The following NCALD variants were observed in gnomAD, a reference collection of about 807,000 sequenced individuals.
NCALD encodes neurocalcin delta.
In NCALD, 10 loss-of-function variants were observed where a neutral mutation model predicts 18.6. The ratio of observed to expected loss-of-function variants is 0.54; its 90% CI spans 0.33 to 0.91. The LOEUF (loss-of-function observed/expected upper bound fraction) is 0.91, where lower values mean the gene tolerates loss of function less well. Among genes scored for constraint, NCALD ranks in the 40% least tolerant of loss-of-function variants. NCALD has a pLI of 0.03. For synonymous variants in NCALD, 88 were observed against 87.4 expected, an observed-to-expected ratio of 1.01 and a Z score of -0.04; for missense variants, 184 against 247.6, an observed-to-expected ratio of 0.74 and a Z score of 1.72.
intron 1 of NCALD, among the ~76,000 whole-genome samples, chr8:101,754,764 C>A (rs1434874451): frequency 6.6e-6 from 1 of 152,122 alleles, no homozygotes; most frequent in Non-Finnish European, 1.5e-5. Flanking sequence ...GACAGAGGTA[C>A]AACCTGAACC....
rs377615177 is a variant in NCALD, at chr8:101,932,018, C to T, written c.-156-16160G>A. Among the ~76,000 whole-genome samples the T allele has an allele frequency of 6.6e-5, 10 of 152,288 alleles. No homozygotes were observed. The East Asian group carries it at 1.5e-3, about 24-fold the overall frequency. On this transcript the variant is annotated intron_variant, in intron 2 of 6. Coordinates refer to the NCALD transcript ENST00000311028. Reference sequence around the variant, plus strand: ...CAGCCCATCATTGCCACACTACCTACCATTAGAGAAGGGATTCTTCTGTAG... The same window carrying T: ...CAGCCCATCATTGCCACACTACCTATCATTAGAGAAGGGATTCTTCTGTAG...
intron 4 of NCALD, among the ~76,000 whole-genome samples, chr8:101,838,337 T>G (rs1271111477): frequency 6.6e-6 from 1 of 152,154 alleles, no homozygotes; most frequent in African/African-American, 2.4e-5. Flanking sequence ...TTCTCCTGCC[T>G]CAGCCTCCCG....
chr8:101,763,952 TTCTC>T lies in NCALD; in HGVS notation c.-20+26906_-20+26909del, dbSNP rs149384386. On this transcript the variant is annotated intron_variant, in intron 1 of 3. Coordinates refer to ENST00000220931, the MANE Select transcript of NCALD (RefSeq NM_032041.3). ...GATGAGCCAATTCTTTATGACAAATTTCTCTCTCTCTCTCCACACACACACACAC... is the reference window on the plus strand; with the variant it reads ...GATGAGCCAATTCTTTATGACAAATTTCTCTCTCTCCACACACACACACAC... Among the ~76,000 whole-genome samples, 65 of 122,146 alleles carry T rather than the reference TTCTC, an allele frequency of 5.3e-4. 1 individual carries two copies. The highest frequency in any genetic ancestry group is 8.1e-4 in the Non-Finnish European group (50 of 61,364). The allele number at this position is 122,146 out of a possible 152,430, so 80.1% of individuals were successfully genotyped here. A position where few individuals can be genotyped will look rare whatever the true frequency, so the allele number is the denominator to read the frequency against.
At chr8:101,721,398 A>G (rs1194124346) in intron 1 of NCALD, 1 of 152,456 alleles carries the variant, frequency 6.6e-6, no homozygotes, top group African/African-American at 2.4e-5. Flanking sequence ...GAATGAAGGC[A>G]TGACTGAGAA....
intron 4 of NCALD, among the ~76,000 whole-genome samples, chr8:101,802,570 C>T (rs966532666): frequency 2.0e-5 from 3 of 150,528 alleles, no homozygotes; most frequent in East Asian, 1.9e-4. Flanking sequence ...AGTGAACACA[C>T]GAATGATTAA....
chr8:101,890,272 T>G (rs972137458), intron 3 of NCALD, among the ~76,000 whole-genome samples: 3 of 152,146 alleles, frequency 2.0e-5, no homozygotes, highest in African/African-American at 7.2e-5. Flanking sequence ...ATGAGCAACC[T>G]CATCTTTAAT....
intron 2 of NCALD, among the ~76,000 whole-genome samples, chr8:101,993,738 G>A (rs112264600): frequency 0.018 from 2,724 of 152,236 alleles, 93 homozygotes; most frequent in African/African-American, 0.061. Context: ...CAAGCTAAAA[G>A]GACATAGACT....
chr8:101,860,670 T>A (rs1815503383), intron 4 of NCALD, among the ~76,000 whole-genome samples: 3 of 152,176 alleles, frequency 2.0e-5, no homozygotes, highest in Admixed American at 1.3e-4. Flanking sequence ...AAAATTGTTT[T>A]AACCCATAAT....
At chr8:101,859,335 G>A (rs6998300) in intron 4 of NCALD, among the ~76,000 whole-genome samples, 6,423 of 152,222 alleles carry the variant, frequency 0.042, 303 homozygotes, top group African/African-American at 0.12. Context: ...TACTTTTAAG[G>A]TTTTGGGATT....
chr8:101,824,342 C>T (rs1813844284), intron 4 of NCALD, among the ~76,000 whole-genome samples: 1 of 152,152 alleles, frequency 6.6e-6, no homozygotes, highest in South Asian at 2.1e-4. Context: ...TTGCTATTTT[C>T]TCAGGCTGAC....
intron 2 of NCALD, among the ~76,000 whole-genome samples, chr8:101,930,290 C>T (rs1179503204): frequency 6.6e-6 from 1 of 151,800 alleles, no homozygotes; most frequent in Non-Finnish European, 1.5e-5. Flanking sequence ...AAAATGTATC[C>T]CCAATTCAGC....
At chr8:101,845,459 A>G (rs1814828793) in intron 4 of NCALD, among the ~76,000 whole-genome samples, 1 of 151,972 alleles carries the variant, frequency 6.6e-6, no homozygotes, top group Non-Finnish European at 1.5e-5. Context: ...GATGACTACA[A>G]CCCTCTCCAC....
intron 2 of NCALD, among the ~76,000 whole-genome samples, chr8:101,697,819 C>A (rs1016794244): frequency 8.5e-5 from 13 of 152,094 alleles, no homozygotes; most frequent in African/African-American, 2.9e-4. Context: ...TTATGACAAA[C>A]CCACAGCCAA....
intron 1 of NCALD, among the ~76,000 whole-genome samples, chr8:102,084,906 G>A (rs903797784): frequency 7.9e-5 from 12 of 152,152 alleles, no homozygotes; most frequent in Non-Finnish European, 1.3e-4. Context: ...TGACTTTCCC[G>A]GTTGGGTTGG....
intron 4 of NCALD, among the ~76,000 whole-genome samples, chr8:101,836,485 C>G (rs1814418921): frequency 2.0e-5 from 3 of 152,086 alleles, no homozygotes; most frequent in Admixed American, 2.0e-4. Flanking sequence ...TTGGGGAATC[C>G]CTGGGGACTC....
At chr8:101,938,665 A>C (rs1170372103) in intron 2 of NCALD, among the ~76,000 whole-genome samples, 1 of 152,186 alleles carries the variant, frequency 6.6e-6, no homozygotes, top group African/African-American at 2.4e-5. Flanking sequence ...TAAAAAAAAA[A>C]ACTTGTAAGT....
chr8:101,995,468 C>T (rs2132001164), intron 2 of NCALD, among the ~76,000 whole-genome samples: 1 of 152,246 alleles, frequency 6.6e-6, no homozygotes, highest in East Asian at 1.9e-4. Context: ...GTGGCATATG[C>T]TTCTGGGGAG....
chr8:101,830,548 CA>C (rs71268534), intron 4 of NCALD, among the ~76,000 whole-genome samples: 29 of 141,224 alleles, frequency 2.1e-4, no homozygotes, highest in Admixed American at 3.5e-4. Context: ...GACTCCGTCT[CA>C]AAAAAAAAAA....
At chr8:101,864,136 CTCAA>C (rs1276689411) in intron 4 of NCALD, among the ~76,000 whole-genome samples, 1 of 152,172 alleles carries the variant, frequency 6.6e-6, no homozygotes, top group African/African-American at 2.4e-5. Flanking sequence ...TTCAATTAAG[CTCAA>C]TCAATCTATA....
Sources: allele counts gnomAD v4.1 joint callset (sites outside exome capture counted in the v4.1 genomes callset), GRCh38; gene constraint gnomAD v4.1.1; transcripts MANE v1.5; gene names NCBI Gene and HGNC (gene_info 2026-07-23, HGNC 2026-07-21).